LDB2: variants seen among roughly 807,000 people sequenced by gnomAD.
LDB2 encodes the protein LIM domain-binding protein 2.
LDB2 carries 12 observed loss-of-function variants against 44.3 expected under a neutral mutation model. The observed-to-expected ratio is 0.27, with a 90% CI of 0.17 to 0.44. The LOEUF is 0.44. Among genes scored for constraint, LDB2 ranks in the 20% least tolerant of loss-of-function variants. The pLI is 1.00. For synonymous variants in LDB2, 164 were observed against 174.8 expected, an observed-to-expected ratio of 0.94 and a Z score of 0.49; for missense variants, 344 against 473.5, an observed-to-expected ratio of 0.73 and a Z score of 2.54.
rs1277984274 is a variant in LDB2 at position 16,639,226 on chromosome 4, G to T, written c.236-43351C>A. On this transcript the variant is annotated intron_variant, in intron 2 of 7. Coordinates refer to ENST00000304523, the MANE Select transcript of LDB2 (RefSeq NM_001290.5). ...CTGATGTTGTCTGGGAGAAAACAATGGTTGCCCAATTTCTGTTGCCATGTA... is the reference window on the plus strand; with the variant it reads ...CTGATGTTGTCTGGGAGAAAACAATTGTTGCCCAATTTCTGTTGCCATGTA... 5.3e-5 allele frequency among the ~76,000 whole-genome samples: 8 copies of T among 152,260 alleles called. No homozygotes were observed. In the South Asian group the frequency reaches 1.7e-3, roughly 32 times the overall value.
At chr4:16,766,048 C>T (rs1020640559) in intron 1 of LDB2, among the ~76,000 whole-genome samples, 1 of 152,030 alleles carries the variant, frequency 6.6e-6, no homozygotes, top group African/African-American at 2.4e-5. Flanking sequence ...GGGCCCATTA[C>T]CCGGAATTAA....
intron 5 of LDB2, among the ~76,000 whole-genome samples, chr4:16,578,122 C>T (rs1243707923): frequency 6.6e-6 from 1 of 151,982 alleles, no homozygotes; most frequent in Non-Finnish European, 1.5e-5. Context: ...TAAAAGAAAA[C>T]AATGGGGAAA....
chr4:16,785,435 A>G (rs898627066), intron 1 of LDB2, among the ~76,000 whole-genome samples: 3 of 152,198 alleles, frequency 2.0e-5, no homozygotes, highest in African/African-American at 7.2e-5. Context: ...ACAAGGCTTC[A>G]TGGTGAGGAC....
chr4:16,703,603 A>G (rs1025554979), intron 2 of LDB2, among the ~76,000 whole-genome samples: 9 of 152,216 alleles, frequency 5.9e-5, no homozygotes, highest in Admixed American at 2.0e-4. Context: ...CTTTTTCAAC[A>G]TATGATAATG....
At chr4:16,675,885 A>T (rs933415531) in intron 2 of LDB2, among the ~76,000 whole-genome samples, 2 of 152,218 alleles carry the variant, frequency 1.3e-5, no homozygotes, top group African/African-American at 2.4e-5. Flanking sequence ...CCATTTCTTT[A>T]TTATAAGATC....
At chr4:16,516,862 T>A (rs1226724609) in intron 5 of LDB2, among the ~76,000 whole-genome samples, 4 of 152,130 alleles carry the variant, frequency 2.6e-5, no homozygotes, top group Non-Finnish European at 5.9e-5. Context: ...ATCCCCAAAG[T>A]CATTTTTCTT....
chr4:16,606,032 T>C (rs1389986881), intron 2 of LDB2, among the ~76,000 whole-genome samples: 1 of 152,232 alleles, frequency 6.6e-6, no homozygotes, highest in Non-Finnish European at 1.5e-5. Context: ...GACCACCCTA[T>C]ACCCACCAAT....
chr4:16,539,972 G>T (rs1442375735), intron 5 of LDB2, among the ~76,000 whole-genome samples: 1 of 152,136 alleles, frequency 6.6e-6, no homozygotes, highest in Non-Finnish European at 1.5e-5. Context: ...AGTTCTTCAG[G>T]CTTAACAGGA....
intron 2 of LDB2, among the ~76,000 whole-genome samples, chr4:16,666,117 T>C (rs1578605601): frequency 6.6e-6 from 1 of 152,190 alleles, no homozygotes; most frequent in East Asian, 1.9e-4. Flanking sequence ...TGGATTGTGG[T>C]ACTTTGTTAT....
chr4:16,601,465 G>A (rs1215846301), intron 2 of LDB2, among the ~76,000 whole-genome samples: 1 of 152,046 alleles, frequency 6.6e-6, no homozygotes. Flanking sequence ...GGAGTAAGAG[G>A]AAAATTTGTA....
At chr4:16,836,919 A>T (rs1014130655) in intron 1 of LDB2, among the ~76,000 whole-genome samples, 1 of 152,242 alleles carries the variant, frequency 6.6e-6, no homozygotes. Context: ...TAAAATCTCT[A>T]GAATTTAATT....
At chr4:16,684,742 G>A (rs1748798176) in intron 2 of LDB2, among the ~76,000 whole-genome samples, 1 of 152,148 alleles carries the variant, frequency 6.6e-6, no homozygotes, top group African/African-American at 2.4e-5. Context: ...TCATCTATGA[G>A]GGAAAGCAAA....
chr4:16,504,051 C>G (rs914995709), intron 7 of LDB2, among the ~76,000 whole-genome samples: 4 of 152,092 alleles, frequency 2.6e-5, no homozygotes, highest in East Asian at 1.9e-4. Context: ...GGAAAGTGAC[C>G]AACTGTGATC....
intron 2 of LDB2, among the ~76,000 whole-genome samples, chr4:16,667,382 A>C (rs143563332): frequency 3.9e-4 from 59 of 152,268 alleles, no homozygotes; most frequent in African/African-American, 1.4e-3. Flanking sequence ...CCTCTTGACA[A>C]GCCCATGGGC....
At chr4:16,881,616 T>TC (rs1308313100) in intron 1 of LDB2, among the ~76,000 whole-genome samples, 1 of 151,322 alleles carries the variant, frequency 6.6e-6, no homozygotes, top group East Asian at 1.9e-4. Flanking sequence ...TTTTTTTTTT[T>TC]TTTAAGATTG....
intron 5 of LDB2, among the ~76,000 whole-genome samples, chr4:16,549,032 G>A (rs879794474): frequency 2.6e-5 from 4 of 152,182 alleles, no homozygotes; most frequent in Admixed American, 1.3e-4. Flanking sequence ...GATTTTATGC[G>A]TTCTGAAACC....
intron 1 of LDB2, among the ~76,000 whole-genome samples, chr4:16,860,525 G>A (rs1275092476): frequency 1.3e-5 from 2 of 152,146 alleles, no homozygotes; most frequent in African/African-American, 4.8e-5. Flanking sequence ...TTATAAATGA[G>A]TGCCACCTAA....
chr4:16,824,762 C>A (rs1245417417), intron 1 of LDB2, among the ~76,000 whole-genome samples: 1 of 152,230 alleles, frequency 6.6e-6, no homozygotes, highest in Non-Finnish European at 1.5e-5. Context: ...CGGGTGTTCA[C>A]CCATGCTTTT....
intron 1 of LDB2, among the ~76,000 whole-genome samples, chr4:16,763,938 T>C (rs1171365720): frequency 2.0e-5 from 3 of 152,188 alleles, no homozygotes; most frequent in Admixed American, 6.5e-5. Context: ...GCCCGGCATA[T>C]AGTAGTTGTT....
Sources: gnomAD v4.1 joint callset for allele counts (sites outside exome capture counted in the v4.1 genomes callset) on GRCh38, gnomAD v4.1.1 for gene constraint, MANE v1.5 for transcripts, NCBI Gene and HGNC (gene_info 2026-07-23, HGNC 2026-07-21) for gene names.